NOX4: variants seen among roughly 807,000 people sequenced by gnomAD.
NOX4 encodes the protein NADPH oxidase 4, also known as kidney oxidase-1.
A neutral mutation model predicts 87.6 loss-of-function variants in NOX4; 69 were observed. The ratio of observed to expected loss-of-function variants is 0.79; its 90% CI spans 0.65 to 0.96. The LOEUF (loss-of-function observed/expected upper bound fraction) is 0.96, where lower values mean the gene tolerates loss of function less well. Ranked by LOEUF, NOX4 falls within the 40% of genes least tolerant of loss-of-function variation. The pLI is 0.00. For missense variants in NOX4, 680 were observed against 681.5 expected (o/e 1.00, Z 0.02); for synonymous variants, 275 against 238.2 (o/e 1.15, Z -1.42).
intron 11 of NOX4, among the ~76,000 whole-genome samples, chr11:89,380,008 T>C (rs915804413): frequency 6.6e-6 from 1 of 152,124 alleles, no homozygotes; most frequent in Non-Finnish European, 1.5e-5. Context: ...AACTCCTTTA[T>C]CAATCAAAGT....
At chr11:89,532,147 G>A in the NOX4 span, among the ~76,000 whole-genome samples, 1 of 152,194 alleles carries the variant, frequency 6.6e-6, no homozygotes, top group Non-Finnish European at 1.5e-5. Context: ...CCCCACTGGG[G>A]CACTGCCTAG....
At chr11:89,355,340 A>T (rs1199205661) in intron 12 of NOX4, among the ~76,000 whole-genome samples, 1 of 147,742 alleles carries the variant, frequency 6.8e-6, no homozygotes, top group Admixed American at 6.8e-5. Flanking sequence ...TATATTTTAA[A>T]TATATAAAAT....
At chr11:89,563,571 A>T in the NOX4 span, among the ~76,000 whole-genome samples, 1 of 152,206 alleles carries the variant, frequency 6.6e-6, no homozygotes, top group African/African-American at 2.4e-5. Context: ...AATACAGAAA[A>T]ACATGTTTTT....
chr11:89,524,664 A>T, the NOX4 span, among the ~76,000 whole-genome samples: 10 of 151,974 alleles, frequency 6.6e-5, no homozygotes, highest in Admixed American at 2.6e-4. Context: ...GATACAGAAC[A>T]TTTTCTTTTT....
the NOX4 span, among the ~76,000 whole-genome samples, chr11:89,539,667 A>G: frequency 6.6e-6 from 1 of 151,664 alleles, no homozygotes; most frequent in Non-Finnish European, 1.5e-5. Flanking sequence ...CTTAAGTTTC[A>G]TGTTTTACAA....
chr11:89,575,899 A>G, the NOX4 span, among the ~76,000 whole-genome samples: 2 of 152,182 alleles, frequency 1.3e-5, no homozygotes, highest in Admixed American at 1.3e-4. Flanking sequence ...ATTTGTTGTC[A>G]CAGTTCATTA....
intron 2 of NOX4, among the ~76,000 whole-genome samples, chr11:89,474,305 TA>T (rs1333130521): frequency 6.6e-6 from 1 of 152,062 alleles, no homozygotes; most frequent in East Asian, 1.9e-4. Flanking sequence ...AATTCAAATT[TA>T]ATCTTTTTTT....
intron 3 of NOX4, among the ~76,000 whole-genome samples, chr11:89,450,317 C>A (rs1281720815): frequency 6.6e-6 from 1 of 152,138 alleles, no homozygotes; most frequent in Non-Finnish European, 1.5e-5. Flanking sequence ...TAGAGTAAAT[C>A]TGCACACATT....
At chr11:89,573,701 A>C in the NOX4 span, among the ~76,000 whole-genome samples, 1 of 152,190 alleles carries the variant, frequency 6.6e-6, no homozygotes, top group African/African-American at 2.4e-5. Flanking sequence ...GTTTATTAAA[A>C]AGGCTTTAGA....
the NOX4 span, among the ~76,000 whole-genome samples, chr11:89,517,304 G>A: frequency 3.3e-5 from 5 of 151,908 alleles, no homozygotes; most frequent in Non-Finnish European, 7.4e-5. Context: ...CTGGATTATC[G>A]AGTTTTTAAG....
At chr11:89,330,556 A>G (rs539005961) in intron 17 of NOX4, among the ~76,000 whole-genome samples, 17 of 151,858 alleles carry the variant, frequency 1.1e-4, no homozygotes, top group East Asian at 5.8e-4. Context: ...TTGCTTTTCT[A>G]ACAAGATTCC....
At chr11:89,521,501 C>G in the NOX4 span, among the ~76,000 whole-genome samples, 1 of 151,972 alleles carries the variant, frequency 6.6e-6, no homozygotes, top group East Asian at 1.9e-4. Context: ...GAAACCGGGT[C>G]CCCACATTTT....
the NOX4 span, among the ~76,000 whole-genome samples, chr11:89,528,790 T>C: frequency 6.6e-6 from 1 of 152,178 alleles, no homozygotes; most frequent in African/African-American, 2.4e-5. Context: ...CAGGATGAAA[T>C]TGGACTAATA....
At chr11:89,563,070 G>A in the NOX4 span, among the ~76,000 whole-genome samples, 2 of 152,064 alleles carry the variant, frequency 1.3e-5, no homozygotes, top group East Asian at 1.9e-4. Context: ...ATGATTGTAA[G>A]TTTCCTGAGG....
chr11:89,351,899 A>T (rs1319365728), intron 13 of NOX4, among the ~76,000 whole-genome samples: 8 of 152,342 alleles, frequency 5.3e-5, no homozygotes, highest in Non-Finnish European at 1.0e-4. Flanking sequence ...AATACTGCAT[A>T]TACACATAAT....
the NOX4 span, among the ~76,000 whole-genome samples, chr11:89,524,217 A>G: frequency 6.6e-6 from 1 of 152,206 alleles, no homozygotes; most frequent in African/African-American, 2.4e-5. Context: ...TAAATACAAT[A>G]TAGAGCACTG....
chr11:89,404,981 C>T (rs1942086254), intron 8 of NOX4, among the ~76,000 whole-genome samples: 1 of 151,874 alleles, frequency 6.6e-6, no homozygotes, highest in Non-Finnish European at 1.5e-5. Context: ...GGTTCAGAAA[C>T]CTACCTAGCT....
chr11:89,425,547 A>C (rs559150759), intron 7 of NOX4, among the ~76,000 whole-genome samples: 2 of 152,172 alleles, frequency 1.3e-5, no homozygotes, highest in Admixed American at 1.3e-4. Context: ...TATTAACGTA[A>C]AAATGTTCAT....
intron 11 of NOX4, among the ~76,000 whole-genome samples, chr11:89,383,319 A>G: frequency 6.6e-6 from 1 of 152,184 alleles, no homozygotes; most frequent in East Asian, 1.9e-4. Flanking sequence ...CTCCTAAGCC[A>G]TGTCCCATCT....
Sources: gnomAD v4.1 joint callset for allele counts (sites outside exome capture counted in the v4.1 genomes callset) on GRCh38, gnomAD v4.1.1 for gene constraint, MANE v1.5 for transcripts, NCBI Gene and HGNC (gene_info 2026-07-23, HGNC 2026-07-21) for gene names.